SDHA: variants seen among roughly 807,000 people sequenced by gnomAD.
The protein encoded by SDHA is succinate dehydrogenase [ubiquinone] flavoprotein subunit, mitochondrial.
SDHA carries 48 observed loss-of-function variants against 78.4 expected under a neutral mutation model. The observed-to-expected ratio is 0.61, with a 90% CI of 0.49 to 0.78. SDHA has a LOEUF of 0.78. Ranked by LOEUF, SDHA falls within the 30% of genes least tolerant of loss-of-function variation. The pLI is 0.00. For missense variants in SDHA, 680 were observed against 892.7 expected, an observed-to-expected ratio of 0.76 and a Z score of 3.04; for synonymous variants, 326 against 353.9, an observed-to-expected ratio of 0.92 and a Z score of 0.88.
chr5:224,343 G>A lies in SDHA; in HGVS notation c.151-17G>A. 6.2e-7 allele frequency: 1 copy of A among 1,611,754 alleles called. No homozygotes were observed. ...ATAGTGGAACATGTGATTGACAGGT[G>A]AATTTTTCTTTTCCAGATTTCTGCT... On this transcript the variant is annotated splice_polypyrimidine_tract_variant and intron_variant, in intron 2 of 14. Coordinates refer to ENST00000264932, the MANE Select transcript of SDHA (RefSeq NM_004168.4).
the SDHA span, among the ~76,000 whole-genome samples, chr5:265,553 G>A: frequency 1.3e-5 from 2 of 152,224 alleles, no homozygotes; most frequent in African/African-American, 4.8e-5. Context: ...AAACCTTGCT[G>A]ATTAGGAAAA....
At chr5:267,062 C>T in the SDHA span, among the ~76,000 whole-genome samples, 1 of 152,236 alleles carries the variant, frequency 6.6e-6, no homozygotes, top group African/African-American at 2.4e-5. Flanking sequence ...TTTGCAAATG[C>T]CCCTCACACT....
chr5:258,763 G>A (rs899044224), downstream of SDHA, among the ~76,000 whole-genome samples: 4 of 92,648 alleles, frequency 4.3e-5, no homozygotes, highest in South Asian at 3.5e-4. Flanking sequence ...TGTGAGCTCC[G>A]CCCCCCGCCA....
chr5:240,393 G>A lies in SDHA; in HGVS notation c.1468G>A (p.Glu490Lys), dbSNP rs1554000360. 4 of 1,609,872 alleles carry A rather than the reference G, an allele frequency of 2.5e-6. No individual in the cohort carries two copies. The East Asian group carries it at 8.9e-5, about 36-fold the overall frequency. Reference protein sequence around the residue: ...KVPPIKPNAGEESVMNLDKLR... With the variant: ...KVPPIKPNAGKESVMNLDKLR... The stretch of plus-strand genomic sequence containing the variant: ...CCCTCCAATTAAACCAAACGCTGGG[G>A]AAGAATCTGTCATGAATCTTGACAA... Residue 490 changes from glutamate (E) to lysine (K), a missense_variant, in exon 11 of 15, where the codon GAA becomes AAA. Glu to Lys is a moderately conservative substitution (Grantham distance 56). Coordinates refer to ENST00000264932, the MANE Select transcript of SDHA (RefSeq NM_004168.4).
chr5:225,892 T>G lies in SDHA; in HGVS notation c.466T>G (p.Tyr156Asp), dbSNP rs569384870. The change falls in exon 5 of 15, where the codon TAT (tyrosine) becomes GAT (aspartate). Residue 156 changes from tyrosine (Y) to aspartate (D), a missense_variant. Transcript: ENST00000264932. ...APAAVVELEN[Y>D]GMPFSRTEDG... The stretch of plus-strand genomic sequence containing the variant: ...TTTTTATCTTTCACAGCTAGAAAAT[T>G]ATGGCATGCCGTTTAGCAGAACTGA... 3.1e-6 allele frequency: 5 copies of G among 1,612,702 alleles called. No individual in the cohort carries two copies. In the African/African-American group the frequency reaches 5.3e-5, roughly 17 times the overall value.
chr5:236,659 T>C (rs1735808618), intron 10 of SDHA, 60 bp downstream of exon 10: 1 of 1,563,176 alleles, frequency 6.4e-7, no homozygotes, highest in Non-Finnish European at 8.8e-7. Context: ...AGAAAGTCTT[T>C]TTTCTTTTTT....
rs1439185352 is a variant in SDHA at position 256,941 on chromosome 5, G to T, written c.*521G>T. Among the ~76,000 whole-genome samples, 2 of 151,406 alleles carry T rather than the reference G, an allele frequency of 1.3e-5. No individual in the cohort carries two copies. The highest frequency in any genetic ancestry group is 4.9e-5 in the African/African-American group (2 of 41,098). ...TGACTCAGCCTTCTGAGTAGTTGGG[G>T]CTACAGGTGTGCACCACCATGCCCA... On this transcript the variant is annotated 3_prime_UTR_variant, in exon 15 of 15. Transcript: ENST00000264932.
intron 13 of SDHA, 175 bp downstream of exon 13, chr5:251,643 A>T (rs1342725774): frequency 2.0e-6 from 3 of 1,530,264 alleles, no homozygotes; most frequent in Non-Finnish European, 1.8e-6. Flanking sequence ...CTTCTGGATC[A>T]CTGTGACCTT....
At chr5:252,073 A>C (rs1187472511) in intron 13 of SDHA, among the ~76,000 whole-genome samples, 2 of 151,706 alleles carry the variant, frequency 1.3e-5, no homozygotes, top group East Asian at 4.0e-4. Context: ...TTTATTAAAT[A>C]ACGAGTAAGC....
intron 11 of SDHA, among the ~76,000 whole-genome samples, chr5:243,123 A>T (rs10475141): frequency 0.24 from 36,626 of 152,032 alleles, 6,853 homozygotes; most frequent in African/African-American, 0.53. Flanking sequence ...AGCAAGCTAG[A>T]TGAGAGGGTG....
intron 11 of SDHA, among the ~76,000 whole-genome samples, chr5:242,020 C>G (rs10057299): frequency 6.6e-6 from 1 of 152,054 alleles, no homozygotes; most frequent in Non-Finnish European, 1.5e-5. Flanking sequence ...AGCATTCCCA[C>G]CAAACATGGT....
chr5:244,585 T>C (rs1217732814), intron 11 of SDHA, among the ~76,000 whole-genome samples: 1 of 152,142 alleles, frequency 6.6e-6, no homozygotes, highest in African/African-American at 2.4e-5. Flanking sequence ...GAAATAACTA[T>C]TCAGGGAAAG....
intron 4 of SDHA, 139 bp downstream of exon 4, chr5:225,701 C>T: frequency 7.3e-7 from 1 of 1,371,036 alleles, no homozygotes; most frequent in Non-Finnish European, 1.0e-6. Flanking sequence ...GAGTCTTTTT[C>T]CGTTATGAAC....
intron 7 of SDHA, among the ~76,000 whole-genome samples, chr5:231,938 G>A (rs1174497364): frequency 1.3e-5 from 2 of 152,148 alleles, no homozygotes; most frequent in African/African-American, 2.4e-5. Flanking sequence ...TTGAGGTTAC[G>A]AATGTGCAAT....
chr5:266,820 G>T, the SDHA span, among the ~76,000 whole-genome samples: 5,039 of 101,726 alleles, frequency 0.05, 283 homozygotes, highest in African/African-American at 0.17. Context: ...CACGGTGGCC[G>T]CTGTCTGTAA....
downstream of SDHA, among the ~76,000 whole-genome samples, chr5:259,261 T>G (rs868648763): frequency 2.8e-4 from 15 of 53,306 alleles, no homozygotes; most frequent in Admixed American, 6.7e-4. Flanking sequence ...AGCATTACCG[T>G]GTGAGCTCCG....
At chr5:246,593 C>T (rs1204725339) in intron 11 of SDHA, among the ~76,000 whole-genome samples, 1 of 152,234 alleles carries the variant, frequency 6.6e-6, no homozygotes, top group African/African-American at 2.4e-5. Context: ...ATTTTTCCAA[C>T]TCCACATTCA....
chr5:232,292 C>T (rs573742863), intron 7 of SDHA, among the ~76,000 whole-genome samples: 1 of 152,106 alleles, frequency 6.6e-6, no homozygotes, highest in South Asian at 2.1e-4. Flanking sequence ...CTCACTGCAG[C>T]CTTTGTCTCC....
intron 6 of SDHA, among the ~76,000 whole-genome samples, chr5:229,224 T>C (rs185981429): frequency 6.6e-6 from 1 of 152,216 alleles, no homozygotes; most frequent in Non-Finnish European, 1.5e-5. Context: ...TCAAAATTCA[T>C]AGGACTACTA....
Sources: allele counts gnomAD v4.1 joint callset (sites outside exome capture counted in the v4.1 genomes callset), GRCh38; gene constraint gnomAD v4.1.1; transcripts MANE v1.5; gene names NCBI Gene and HGNC (gene_info 2026-07-23, HGNC 2026-07-21).